Variants in RACGAP1 observed in about 807,000 individuals in gnomAD.
RACGAP1 encodes the protein Rac GTPase activating protein 1, also known as rac GTPase-activating protein 1.
RACGAP1 carries 30 observed loss-of-function variants against 78.1 expected under a neutral mutation model. The observed-to-expected ratio is 0.38, with a 90% CI of 0.29 to 0.52. The LOEUF is 0.52. RACGAP1 is among the 20% of genes least tolerant of loss of function. The pLI, the probability that RACGAP1 is intolerant of heterozygous loss-of-function variation, is 0.82. For synonymous variants in RACGAP1, 231 were observed against 264.8 expected, an observed-to-expected ratio of 0.87 and a Z score of 1.24; for missense variants, 587 against 777.1, an observed-to-expected ratio of 0.76 and a Z score of 2.91.
At chr12:50,001,536 T>C (rs1299063408) in intron 6 of RACGAP1, among the ~76,000 whole-genome samples, 1 of 152,178 alleles carries the variant, frequency 6.6e-6, no homozygotes, top group Non-Finnish European at 1.5e-5. Flanking sequence ...GCTGTAATCC[T>C]AACTAAGGAC....
At chr12:50,026,092 C>T (rs936577687), upstream of RACGAP1, among the ~76,000 whole-genome samples, 4 of 152,204 alleles carry the variant, frequency 2.6e-5, no homozygotes, top group African/African-American at 9.6e-5. Flanking sequence ...ATTTAATAAA[C>T]GTTATTTAGA....
intron 1 of RACGAP1, among the ~76,000 whole-genome samples, chr12:50,017,799 C>T (rs1949761227): frequency 6.6e-6 from 1 of 152,064 alleles, no homozygotes; most frequent in South Asian, 2.1e-4. Context: ...GCAATGTTTA[C>T]AAGATTGCAC....
intron 2 of RACGAP1, among the ~76,000 whole-genome samples, chr12:50,010,783 T>G (rs190112443): frequency 4.0e-5 from 6 of 149,878 alleles, no homozygotes; most frequent in Non-Finnish European, 7.4e-5. Flanking sequence ...AAATACAAAA[T>G]TAGCCAGGCG....
intron 7 of RACGAP1, among the ~76,000 whole-genome samples, chr12:50,000,764 C>CAA (rs557526815): frequency 1.7e-3 from 252 of 151,884 alleles, no homozygotes; most frequent in African/African-American, 5.8e-3. Flanking sequence ...AAACTTTAAC[C>CAA]AAAGGCCAGG....
Position 49,999,828 on chromosome 12 carries a change from T to C in RACGAP1, c.631-95A>G, listed in dbSNP as rs189378142. 2.5e-4 allele frequency: 252 copies of C among 995,278 alleles called. No homozygotes were observed. In the African/African-American group the frequency reaches 3.7e-3, roughly 15 times the overall value. 61.7% of individuals were successfully genotyped at this position (995,278 alleles called of 1,614,324 possible). A position where few individuals can be genotyped will look rare whatever the true frequency, so the allele number is the denominator to read the frequency against. Reference sequence around the variant, plus strand: ...GGAGCAGGTAAAAAATTCCTTAGTCTTAGTCAAGACTTAAGACCCCAGTCT... The same window carrying C: ...GGAGCAGGTAAAAAATTCCTTAGTCCTAGTCAAGACTTAAGACCCCAGTCT... On this transcript the variant is annotated intron_variant, in intron 7 of 16. Coordinates refer to ENST00000312377, the MANE Select transcript of RACGAP1 (RefSeq NM_001319999.2).
At chr12:50,024,790 T>TA (rs547111018) in intron 1 of RACGAP1, among the ~76,000 whole-genome samples, 7,840 of 145,008 alleles carry the variant, frequency 0.054, 678 homozygotes, top group African/African-American at 0.18. Context: ...AATGCTTTCT[T>TA]AAAAAAAAAA....
At position 49,997,036 on chromosome 12, in the gene RACGAP1, A is replaced by G; in HGVS notation, c.1044+4T>C. 1 of 1,513,210 alleles carries G rather than the reference A, an allele frequency of 6.6e-7. No homozygotes were observed. The highest frequency in any genetic ancestry group is 8.9e-7 in the Non-Finnish European group (1 of 1,118,720). The allele number at this position is 1,513,210 out of a possible 1,614,324, so 93.7% of individuals were successfully genotyped here. On this transcript the variant is annotated splice_donor_region_variant and intron_variant, in intron 10 of 16. Coordinates refer to ENST00000312377, the MANE Select transcript of RACGAP1 (RefSeq NM_001319999.2). ...AAAACAATGACGGCTTGCATAAGTCATACCTCTCCAATCTTGACAGGTGTT... is the reference window on the plus strand; with the variant it reads ...AAAACAATGACGGCTTGCATAAGTCGTACCTCTCCAATCTTGACAGGTGTT...
In RACGAP1 at chr12:50,004,221, C is replaced by G. The variant is rs1206480525; in HGVS notation, c.495+14G>C. 6.3e-7 allele frequency: 1 copy of G among 1,595,502 alleles called. No homozygotes were observed. The highest frequency in any genetic ancestry group is 1.1e-5 in the South Asian group (1 of 89,940). On this transcript the variant is annotated intron_variant, in intron 5 of 16. Transcript: ENST00000312377. ...AGAAAAGTAGGTAATTCTCAGAGAT[C>G]AAATGTTTATTACCAGTGATTCATC... is the stretch of plus-strand genomic sequence containing the variant.
At chr12:50,031,104 T>A (rs987113441) in intron 2 of RACGAP1, among the ~76,000 whole-genome samples, 2 of 151,674 alleles carry the variant, frequency 1.3e-5, no homozygotes, top group African/African-American at 2.4e-5. Flanking sequence ...TGAAAAAAAA[T>A]GTTAAAGTAA....
intron 4 of RACGAP1, among the ~76,000 whole-genome samples, 193 bp from the exon 5 acceptor site, chr12:50,004,497 C>T (rs1335644821): frequency 6.6e-6 from 1 of 152,176 alleles, no homozygotes; most frequent in African/African-American, 2.4e-5. Context: ...AGTGTGTGTG[C>T]ATGAGTACAG....
chr12:49,994,881 A>T (rs2137269561), intron 10 of RACGAP1, among the ~76,000 whole-genome samples: 1 of 152,346 alleles, frequency 6.6e-6, no homozygotes. Flanking sequence ...TACTCTAAAC[A>T]GATTTTTTTT....
At chr12:49,993,282 C>T (rs1948016656) in intron 12 of RACGAP1, among the ~76,000 whole-genome samples, 1 of 152,058 alleles carries the variant, frequency 6.6e-6, no homozygotes, top group East Asian at 1.9e-4. Flanking sequence ...ATGTGAAGGC[C>T]TTAAGGTAGG....
chr12:50,025,333 G>A, intron 1 of RACGAP1, 65 bp downstream of exon 1: 1 of 985,754 alleles, frequency 1.0e-6, no homozygotes, highest in Non-Finnish European at 1.2e-6. Flanking sequence ...CTCACCACAC[G>A]AACACTCTGC....
At chr12:50,031,462 G>C (rs369701478) in intron 2 of RACGAP1, among the ~76,000 whole-genome samples, 2 of 109,674 alleles carry the variant, frequency 1.8e-5, no homozygotes, top group East Asian at 6.0e-4. Context: ...CTGGGCAACA[G>C]AGCAAGACTC....
At position 49,999,662 on chromosome 12, in the gene RACGAP1, G is replaced by T; in HGVS notation, c.702C>A (p.Ser234=). 6.2e-7 allele frequency: 1 copy of T among 1,614,150 alleles called. No homozygotes were observed. The highest frequency in any genetic ancestry group is 8.5e-7 in the Non-Finnish European group (1 of 1,180,014). ...PNDGGPIEAV[S]TIETVPYWTR... is the part of the protein sequence containing the mutation. ...TCCAATATGGCACAGTCTCAATAGT[G>T]GACACAGCTTCGATGGGCCCGCCAT... Residue 234 remains serine (S), a synonymous_variant, in exon 8 of 17, where the codon TCC becomes TCA. Coordinates refer to ENST00000312377, the MANE Select transcript of RACGAP1 (RefSeq NM_001319999.2).
At chr12:50,031,862 G>T in exon 2 of RACGAP1, 1 of 444,362 alleles carries the variant, frequency 2.3e-6, no homozygotes, top group Non-Finnish European at 3.0e-6. Context: ...GGCTTGACTT[G>T]CTCATCTATA....
In RACGAP1 at chr12:50,023,943, G is replaced by T. The variant is rs1288745523; in HGVS notation, c.-5+1455C>A. 3.3e-5 allele frequency among the ~76,000 whole-genome samples: 5 copies of T among 151,690 alleles called. No individual in the cohort carries two copies. In the South Asian group the frequency reaches 8.3e-4, roughly 25 times the overall value. Reference sequence around the variant, plus strand: ...TTGGGAGGCCGAGGTGGGCAGATCAGGAGGTCAGTAGATCAAGACCATCCT... The same window carrying T: ...TTGGGAGGCCGAGGTGGGCAGATCATGAGGTCAGTAGATCAAGACCATCCT... On this transcript the variant is annotated intron_variant, in intron 1 of 16. Coordinates refer to ENST00000312377, the MANE Select transcript of RACGAP1 (RefSeq NM_001319999.2).
Position 50,016,674 on chromosome 12 carries a change from C to G in RACGAP1, c.42G>C (p.Gln14His), listed in dbSNP as rs909918038. 1 of 1,614,054 alleles carries G rather than the reference C, an allele frequency of 6.2e-7. No homozygotes were observed. The highest frequency in any genetic ancestry group is 8.5e-7 in the Non-Finnish European group (1 of 1,180,042). Reference sequence around the variant, plus strand: ...TGAGAATCTCCACCCGGCGCACAAGCTGCTCAAACAGATTCCGCACATTCA... The same window carrying G: ...TGAGAATCTCCACCCGGCGCACAAGGTGCTCAAACAGATTCCGCACATTCA... ...MMLNVRNLFE[Q>H]LVRRVEILSE... The change falls in exon 2 of 17, where the codon CAG becomes CAC. Residue 14 changes from glutamine to histidine, a missense_variant. Coordinates refer to ENST00000312377, the MANE Select transcript of RACGAP1 (RefSeq NM_001319999.2).
chr12:49,997,735 G>A (rs532254062), intron 9 of RACGAP1, among the ~76,000 whole-genome samples: 1 of 151,646 alleles, frequency 6.6e-6, no homozygotes, highest in Non-Finnish European at 1.5e-5. Context: ...GCGCCACCAC[G>A]CCCGGCTAAT....
Sources: gnomAD v4.1 joint callset for allele counts (sites outside exome capture counted in the v4.1 genomes callset) on GRCh38, gnomAD v4.1.1 for gene constraint, MANE v1.5 for transcripts, NCBI Gene and HGNC (gene_info 2026-07-23, HGNC 2026-07-21) for gene names.